The following C10orf90 variants were observed in gnomAD, a reference collection of about 807,000 sequenced individuals.
C10orf90 encodes the protein (E2-independent) E3 ubiquitin-conjugating enzyme FATS.
C10orf90 carries 56 observed loss-of-function variants against 62.5 expected under a neutral mutation model. That is an observed-to-expected ratio of 0.90 (90% CI 0.72 to 1.12). The LOEUF (loss-of-function observed/expected upper bound fraction) is 1.12, where lower values mean the gene tolerates loss of function less well. C10orf90 is among the 50% of genes most tolerant of loss of function. The pLI is 0.00. For missense variants in C10orf90, 970 were observed against 880.4 expected, an observed-to-expected ratio of 1.10 and a Z score of -1.29; for synonymous variants, 386 against 340.4, an observed-to-expected ratio of 1.13 and a Z score of -1.47.
chr10:126,661,110 G>A (rs541171396), intron 1 of C10orf90, among the ~76,000 whole-genome samples: 32 of 152,108 alleles, frequency 2.1e-4, no homozygotes, highest in African/African-American at 7.5e-4. Flanking sequence ...ATGTGTGTTG[G>A]GCTTCTTGAT....
chr10:126,602,131 T>C (rs551447891), intron 2 of C10orf90, among the ~76,000 whole-genome samples: 2 of 152,296 alleles, frequency 1.3e-5, no homozygotes, highest in African/African-American at 4.8e-5. Context: ...CCAGGAAAAC[T>C]GTCCTCTCAA....
At position 126,594,987 on chromosome 10, in the gene C10orf90, G is replaced by A. The variant is rs558092271; in HGVS notation, c.313+51578C>T. 3.9e-5 allele frequency among the ~76,000 whole-genome samples: 6 copies of A among 152,296 alleles called. No homozygotes were observed. The East Asian group carries it at 1.2e-3, about 29-fold the overall frequency. On this transcript the variant is annotated intron_variant, in intron 2 of 9. Coordinates refer to ENST00000488181, the MANE Select transcript of C10orf90 (RefSeq NM_001350921.2). ...AGAGACATGATCAGGTTCATGCTAA[G>A]AGAGACCACTCTACTTTAAAAGGTT...
intron 2 of C10orf90, among the ~76,000 whole-genome samples, chr10:126,534,800 CTT>C (rs1206072536): frequency 6.6e-6 from 1 of 152,188 alleles, no homozygotes; most frequent in South Asian, 2.1e-4. Context: ...TTTGGAATCT[CTT>C]GTTTCCGCGT....
At chr10:126,533,099 ATG>A (rs1316513780) in intron 2 of C10orf90, among the ~76,000 whole-genome samples, 24 of 151,166 alleles carry the variant, frequency 1.6e-4, no homozygotes, top group African/African-American at 4.8e-4. Flanking sequence ...CGCCCGGCTA[ATG>A]TTTTTTGTAT....
chr10:126,587,633 G>A (rs576883750), intron 2 of C10orf90, among the ~76,000 whole-genome samples: 2 of 152,328 alleles, frequency 1.3e-5, no homozygotes, highest in Admixed American at 1.3e-4. Context: ...ATGTATTCAA[G>A]GTGGCACAAT....
intron 7 of C10orf90, among the ~76,000 whole-genome samples, chr10:126,449,346 GT>G (rs1220163638): frequency 2.6e-5 from 4 of 152,014 alleles, no homozygotes; most frequent in African/African-American, 9.7e-5. Flanking sequence ...TCCTTTTATG[GT>G]AAAACTTCTC....
chr10:126,652,928 A>C (rs1002835799), intron 1 of C10orf90, among the ~76,000 whole-genome samples: 3 of 152,236 alleles, frequency 2.0e-5, no homozygotes, highest in Admixed American at 1.3e-4. Flanking sequence ...AAAGCAGATT[A>C]TCACAATAAA....
chr10:126,581,696 T>A (rs539434437), intron 2 of C10orf90, among the ~76,000 whole-genome samples: 6 of 152,358 alleles, frequency 3.9e-5, no homozygotes, highest in Non-Finnish European at 7.3e-5. Context: ...TTATGTGGCC[T>A]TGTAAAATAT....
intron 4 of C10orf90, among the ~76,000 whole-genome samples, chr10:126,489,460 G>T (rs1861605464): frequency 6.6e-6 from 1 of 152,008 alleles, no homozygotes; most frequent in African/African-American, 2.4e-5. Context: ...ACAAAAACAT[G>T]GAAAGATGTT....
chr10:126,622,251 C>T (rs1261450486), intron 2 of C10orf90, among the ~76,000 whole-genome samples: 1 of 152,142 alleles, frequency 6.6e-6, no homozygotes, highest in Non-Finnish European at 1.5e-5. Context: ...GGAAACTCCA[C>T]ATCCACCAAC....
intron 2 of C10orf90, among the ~76,000 whole-genome samples, chr10:126,570,456 A>G (rs982898710): frequency 2.6e-5 from 4 of 152,330 alleles, no homozygotes; most frequent in South Asian, 4.1e-4. Flanking sequence ...ACGGTACTAT[A>G]ATGTAATGCT....
At chr10:126,454,019 C>A (rs1859371183) in intron 7 of C10orf90, among the ~76,000 whole-genome samples, 1 of 152,026 alleles carries the variant, frequency 6.6e-6, no homozygotes, top group Non-Finnish European at 1.5e-5. Context: ...GGGCCCCCAG[C>A]CTAGAAGGAG....
chr10:126,610,595 G>A (rs1045627560), intron 2 of C10orf90, among the ~76,000 whole-genome samples: 8 of 152,182 alleles, frequency 5.3e-5, no homozygotes, highest in Non-Finnish European at 1.0e-4. Flanking sequence ...CTCCAGGATT[G>A]GGAAGGATTC....
chr10:126,653,008 A>C (rs1486787079), intron 1 of C10orf90, among the ~76,000 whole-genome samples: 1 of 152,246 alleles, frequency 6.6e-6, no homozygotes, highest in Non-Finnish European at 1.5e-5. Flanking sequence ...TATTCTATTA[A>C]AGGTGTATTA....
intron 2 of C10orf90, chr10:126,521,485 G>T: frequency 1.4e-6 from 2 of 1,448,650 alleles, no homozygotes; most frequent in East Asian, 5.0e-5. Context: ...GAACCTCAAA[G>T]CTCTATATGT....
chr10:126,664,655 C>T (rs1379226662), intron 1 of C10orf90, among the ~76,000 whole-genome samples: 6 of 152,144 alleles, frequency 3.9e-5, no homozygotes, highest in African/African-American at 1.4e-4. Context: ...TTCCCAATTC[C>T]CTGGTGGAAA....
chr10:126,568,473 C>T (rs1008918943), intron 2 of C10orf90, among the ~76,000 whole-genome samples: 4 of 152,214 alleles, frequency 2.6e-5, no homozygotes, highest in African/African-American at 9.6e-5. Context: ...CAGAATCCCT[C>T]ATCCTGAACA....
intron 2 of C10orf90, among the ~76,000 whole-genome samples, chr10:126,633,252 G>T (rs1845884966): frequency 6.6e-6 from 1 of 152,238 alleles, no homozygotes; most frequent in South Asian, 2.1e-4. Flanking sequence ...GGCAAGAAAT[G>T]ATGTGGAAAG....
intron 2 of C10orf90, among the ~76,000 whole-genome samples, chr10:126,642,495 G>A (rs1370656743): frequency 3.3e-5 from 5 of 152,156 alleles, no homozygotes; most frequent in African/African-American, 9.6e-5. Context: ...TCGCGCCACT[G>A]CACTCCAGCC....
Sources: gnomAD v4.1 joint callset for allele counts (sites outside exome capture counted in the v4.1 genomes callset) on GRCh38, gnomAD v4.1.1 for gene constraint, MANE v1.5 for transcripts, NCBI Gene and HGNC (gene_info 2026-07-23, HGNC 2026-07-21) for gene names.